Variants in MYOF observed in about 807,000 individuals in gnomAD.
The protein encoded by MYOF is fer-1-like 3, myoferlin.
MYOF carries 244 observed loss-of-function variants against 284.2 expected under a neutral mutation model. The ratio of observed to expected loss-of-function variants is 0.86; its 90% CI spans 0.77 to 0.95. The LOEUF (loss-of-function observed/expected upper bound fraction) is 0.95. Among genes scored for constraint, MYOF ranks in the 40% least tolerant of loss-of-function variants. The pLI is 0.00. For synonymous variants in MYOF, 904 were observed against 919.7 expected (o/e 0.98, Z 0.31); for missense variants, 2,496 against 2,560.6 (o/e 0.97, Z 0.54).
At chr10:93,320,063 G>A (rs773427763) in intron 48 of MYOF, 50 bp from the exon 49 acceptor site, 1 of 1,605,590 alleles carries the variant, frequency 6.2e-7, no homozygotes, top group Non-Finnish European at 8.5e-7. Context: ...GACAAGTCAT[G>A]TAGCCGCAAA....
rs1309739530 is a variant in MYOF at position 93,396,168 on chromosome 10, A to G, written c.1391T>C (p.Ile464Thr). The change falls in exon 16 of 54, where the codon ATT becomes ACT. Residue 464 changes from isoleucine to threonine, a missense_variant. Ile to Thr is a moderately conservative substitution (Grantham distance 89). Coordinates refer to ENST00000359263, the MANE Select transcript of MYOF (RefSeq NM_013451.4). The part of the protein sequence containing the change: ...VGTTYLHLSK[I>T]AASGGEVEDF... Reference sequence around the variant, plus strand: ...TTCCACTTCCCCACCAGAGGCAGCAATTTTAGAGAGGTGTAGATATGTTGT... The same window carrying G: ...TTCCACTTCCCCACCAGAGGCAGCAGTTTTAGAGAGGTGTAGATATGTTGT... 1.1e-5 allele frequency: 18 copies of G among 1,609,858 alleles called. No individual in the cohort carries two copies. Among genetic ancestry groups the G allele is most frequent in the Admixed American group, 5.0e-5 (3 of 59,794 alleles).
At position 93,374,814 on chromosome 10, in the gene MYOF, TG is replaced by T; in HGVS notation, c.2249del (p.Thr750AsnfsTer12). On this transcript the variant is annotated frameshift_variant, in exon 23 of 54. Transcript: ENST00000359263. LOFTEE classifies it high-confidence loss of function. ...CAAGCCAGTCCTCAATTTCTGCCAG[TG>T]TGGACTTCACATCTGTGGCTTCCGA... Reference protein sequence around the residue: ...MRSEATDVKSTLAEIEDWLDK... With the variant: ...MRSEATDVKSXLAEIEDWLDK... 1 of 1,614,204 alleles carries T rather than the reference TG, an allele frequency of 6.2e-7. No individual in the cohort carries two copies. The highest frequency in any genetic ancestry group is 8.5e-7 in the Non-Finnish European group (1 of 1,180,022).
At chr10:93,321,415 T>TTA (rs984811513) in intron 48 of MYOF, among the ~76,000 whole-genome samples, 1 of 133,268 alleles carries the variant, frequency 7.5e-6, no homozygotes, top group Non-Finnish European at 1.5e-5. Flanking sequence ...TATTAACCTT[T>TTA]TTTTTTTTTT....
At chr10:93,402,444 A>G (rs1847340543) in intron 10 of MYOF, 97 bp from the exon 11 acceptor site, 2 of 994,054 alleles carry the variant, frequency 2.0e-6, no homozygotes, top group Admixed American at 3.8e-5. Context: ...TTTTCTTGGA[A>G]GCCTCTTCAC....
At chr10:93,332,857 A>G (rs1843393537) in intron 43 of MYOF, among the ~76,000 whole-genome samples, 2 of 152,080 alleles carry the variant, frequency 1.3e-5, no homozygotes, top group South Asian at 4.1e-4. Flanking sequence ...AAAAAAATAA[A>G]ATAGGAATAA....
At chr10:93,446,616 G>A (rs1044126634) in intron 3 of MYOF, among the ~76,000 whole-genome samples, 1 of 151,880 alleles carries the variant, frequency 6.6e-6, no homozygotes, top group Non-Finnish European at 1.5e-5. Context: ...AGATGGGAGG[G>A]GGGAAGATTG....
intron 3 of MYOF, among the ~76,000 whole-genome samples, chr10:93,441,169 C>T (rs1187344387): frequency 1.3e-5 from 2 of 152,170 alleles, no homozygotes; most frequent in Admixed American, 6.5e-5. Context: ...AGAAAGACCA[C>T]CTTCTCCCAC....
chr10:93,381,734 G>GA (rs1393880957), intron 19 of MYOF, among the ~76,000 whole-genome samples: 1 of 152,130 alleles, frequency 6.6e-6, no homozygotes, highest in African/African-American at 2.4e-5. Context: ...GTGCAACCAT[G>GA]AAAAAAGAGT....
At chr10:93,386,613 T>C (rs1236009559) in intron 19 of MYOF, among the ~76,000 whole-genome samples, 1 of 152,212 alleles carries the variant, frequency 6.6e-6, no homozygotes, top group East Asian at 1.9e-4. Flanking sequence ...AGGAATGAAA[T>C]TGGTGCAGCT....
chr10:93,479,906 A>G (rs188748659), intron 1 of MYOF, among the ~76,000 whole-genome samples: 37 of 152,364 alleles, frequency 2.4e-4, no homozygotes, highest in Admixed American at 1.6e-3. Flanking sequence ...TCCACTTTCA[A>G]TTGATTGTTT....
At chr10:93,339,637 T>C (rs1843791655) in intron 39 of MYOF, among the ~76,000 whole-genome samples, 1 of 151,996 alleles carries the variant, frequency 6.6e-6, no homozygotes, top group Admixed American at 6.5e-5. Context: ...GCCTGGTGAA[T>C]GTTTGTATTT....
At chr10:93,341,799 G>T in intron 38 of MYOF, 1 of 603,218 alleles carries the variant, frequency 1.7e-6, no homozygotes, top group Non-Finnish European at 2.5e-6. Context: ...TTTGTTTAAA[G>T]ATCACTTTTC....
At chr10:93,373,264 G>A (rs866485495) in intron 23 of MYOF, among the ~76,000 whole-genome samples, 179 bp from the exon 24 acceptor site, 14 of 152,140 alleles carry the variant, frequency 9.2e-5, no homozygotes, top group Admixed American at 4.6e-4. Flanking sequence ...GAGTTTGCAG[G>A]GCTGGGAGGC....
intron 3 of MYOF, among the ~76,000 whole-genome samples, chr10:93,433,340 G>A (rs1203801219): frequency 1.3e-5 from 2 of 152,102 alleles, no homozygotes; most frequent in African/African-American, 2.4e-5. Context: ...TATTTTTTCA[G>A]TAGAGATGGG....
At chr10:93,341,857 T>C in intron 38 of MYOF, 1 of 1,184,872 alleles carries the variant, frequency 8.4e-7, no homozygotes, top group Non-Finnish European at 1.1e-6. Context: ...ATTCAAGTCT[T>C]TAGGCCAAGG....
intron 43 of MYOF, among the ~76,000 whole-genome samples, chr10:93,332,502 G>A (rs1357867733): frequency 4.6e-5 from 7 of 151,710 alleles, no homozygotes; most frequent in Admixed American, 4.6e-4. Context: ...TTACAGGTGT[G>A]AGCCATCGTG....
At chr10:93,313,584 G>A (rs1208461243) in intron 50 of MYOF, among the ~76,000 whole-genome samples, 1 of 152,046 alleles carries the variant, frequency 6.6e-6, no homozygotes, top group African/African-American at 2.4e-5. Context: ...TTTGGCTTTG[G>A]GTAAAGACAA....
At position 93,310,010 on chromosome 10, in the gene MYOF, G is replaced by A; in HGVS notation, c.6147+10C>T. On this transcript the variant is annotated intron_variant, in intron 53 of 53. Transcript: ENST00000359263. ...AAAGCCAAGACAAGGGGCCAAGGAA[G>A]GGCTCCTACCGGCAAAGAGTAGAGG... 6.2e-7 allele frequency: 1 copy of A among 1,613,928 alleles called. No individual in the cohort carries two copies. The highest frequency in any genetic ancestry group is 1.1e-5 in the South Asian group (1 of 91,058).
At chr10:93,376,423 T>G (rs947831902) in intron 22 of MYOF, among the ~76,000 whole-genome samples, 5 of 152,152 alleles carry the variant, frequency 3.3e-5, no homozygotes, top group African/African-American at 1.2e-4. Flanking sequence ...TTTCTCCTCT[T>G]TGGGCCTCTG....
Sources: allele counts gnomAD v4.1 joint callset (sites outside exome capture counted in the v4.1 genomes callset), GRCh38; gene constraint gnomAD v4.1.1; transcripts MANE v1.5; gene names NCBI Gene and HGNC (gene_info 2026-07-23, HGNC 2026-07-21).